The following DDR1 variants were observed in gnomAD, a reference collection of about 807,000 sequenced individuals.
DDR1 encodes the protein discoidin domain receptor tyrosine kinase 1.
A neutral mutation model predicts 97.4 loss-of-function variants in DDR1; 64 were observed. The ratio of observed to expected loss-of-function variants is 0.66; its 90% confidence interval spans 0.54 to 0.81. The LOEUF (loss-of-function observed/expected upper bound fraction) is 0.81. Ranked by LOEUF, DDR1 falls within the 30% of genes least tolerant of loss-of-function variation. DDR1 has a pLI of 0.00. For missense variants in DDR1, 990 were observed against 1,259.6 expected (o/e 0.79, Z 3.24); for synonymous variants, 458 against 503.7 (o/e 0.91, Z 1.21).
At position 30,891,855 on chromosome 6, in the gene DDR1, ATGAG is replaced by A; in HGVS notation, c.666-144_666-141del. The A allele has an allele frequency of 2.3e-6, 2 of 852,506 alleles. No individual in the cohort carries two copies. 52.8% of individuals were successfully genotyped at this position (852,506 alleles called of 1,614,324 possible). A position where few individuals can be genotyped will look rare whatever the true frequency, so the allele number is the denominator to read the frequency against. Reference sequence around the variant, plus strand: ...TGGAGAGAGGAGAAGGGCCAGCTGCATGAGTGTGAGGTGGGATGGGAATGGGACT... The same window carrying A: ...TGGAGAGAGGAGAAGGGCCAGCTGCATGTGAGGTGGGATGGGAATGGGACT... On this transcript the variant is annotated intron_variant, in intron 6 of 17. Transcript: ENST00000376568. This position sits in a 1 kb window ranked among gnomAD's most constrained non-coding sequence, Gnocchi z 5.3.
In DDR1 at chr6:30,885,291, C is replaced by G. The variant is rs552367129; in HGVS notation, c.-43+581C>G. On this transcript the variant is annotated intron_variant, in intron 1 of 17. Coordinates refer to ENST00000376568, the MANE Select transcript of DDR1 (RefSeq NM_001297654.2). ...CCTGGCTCTTGGCTGAACATTTCTT[C>G]CCAGCGCTTCCAGCAGCCAGAGGCA... is the stretch of plus-strand genomic sequence containing the variant. 3 of 1,522,844 alleles carry G rather than the reference C, an allele frequency of 2.0e-6. No homozygotes were observed. In the South Asian group the frequency reaches 3.6e-5, roughly 18 times the overall value. The allele number at this position is 1,522,844 out of a possible 1,614,324, so 94.3% of individuals were successfully genotyped here.
At chr6:30,892,650 TCACC>T (rs1412023337) in intron 8 of DDR1, 108 bp downstream of exon 8, 4 of 1,432,112 alleles carry the variant, frequency 2.8e-6, no homozygotes, top group Non-Finnish European at 3.7e-6. Flanking sequence ...TATCTACCCA[TCACC>T]CACCGAAACT....
In DDR1 at chr6:30,897,416, C is replaced by T. The variant is rs1248464806; in HGVS notation, c.2035C>T (p.Leu679Phe). The part of the protein sequence containing the change: ...FLKEVKIMSR[L>F]KDPNIIRLLG... ...GAAAGAGGTGAAGATCATGTCGAGG[C>T]TCAAGGACCCAAACATCATTCGGCT... Residue 679 changes from leucine to phenylalanine, a missense_variant, in exon 15 of 18, where the codon CTC (leucine) becomes TTC (phenylalanine). Transcript: ENST00000376568. The surrounding 1 kb of genome is among the most constrained non-coding windows in gnomAD (Gnocchi z 5.2). 1 of 1,614,128 alleles carries T rather than the reference C, an allele frequency of 6.2e-7. No homozygotes were observed. The highest frequency in any genetic ancestry group is 1.7e-5 in the Admixed American group (1 of 60,018).
chr6:30,888,682 C>T lies in DDR1; in HGVS notation c.-42-6C>T. ...ACTTACGCACCACCCATTTTATCCC[C>T]TGCAGAGATGCTGCCCCCACCCCCT... On this transcript the variant is annotated splice_region_variant and splice_polypyrimidine_tract_variant and intron_variant, in intron 1 of 17. Transcript: ENST00000376568. The surrounding 1 kb of genome is among the most constrained non-coding windows in gnomAD (Gnocchi z 4.2). 1 of 1,608,824 alleles carries T rather than the reference C, an allele frequency of 6.2e-7. No homozygotes were observed. Among genetic ancestry groups the T allele is most frequent in the Non-Finnish European group, 8.5e-7 (1 of 1,178,112 alleles).
In DDR1 at chr6:30,889,440, G is replaced by C. The variant is rs755088105; in HGVS notation, c.417+10G>C. On this transcript the variant is annotated intron_variant, in intron 4 of 17. Transcript: ENST00000376568. This position sits in a 1 kb window ranked among gnomAD's most constrained non-coding sequence, Gnocchi z 4.9. ...CCGCTGGGGTCAGGAGGTGAGACTG[G>C]CAGGGGCAGCACCCAGAGGAGGTTG... is the stretch of plus-strand genomic sequence containing the variant. 7.4e-5 allele frequency: 112 copies of C among 1,505,084 alleles called. No individual in the cohort carries two copies. The highest frequency in any genetic ancestry group is 9.8e-5 in the Non-Finnish European group (110 of 1,127,686). The allele number at this position is 1,505,084 out of a possible 1,614,324, so 93.2% of individuals were successfully genotyped here.
upstream of DDR1, chr6:30,883,289 G>A (rs1281808548): frequency 6.6e-6 from 1 of 152,064 alleles, no homozygotes; most frequent in African/African-American, 2.4e-5. This position sits in a 1 kb window ranked among gnomAD's most constrained non-coding sequence, Gnocchi z 4.9. Flanking sequence ...ATGTGCAGTG[G>A]AGCGAGAACT....
intron 1 of DDR1, chr6:30,885,883 T>A: frequency 8.1e-7 from 1 of 1,240,352 alleles, no homozygotes; most frequent in Non-Finnish European, 1.1e-6. Context: ...GACTTGGGGG[T>A]TGGGAGAGGA....
At chr6:30,885,181 C>T (rs1329927480) in intron 1 of DDR1, 4 of 1,530,644 alleles carry the variant, frequency 2.6e-6, no homozygotes, top group African/African-American at 2.7e-5. Flanking sequence ...TGACACCACT[C>T]TTCCCGGCTG....
rs9281074 is a variant in DDR1 at position 30,891,527 on chromosome 6, C to CTGTG, written c.665+75_665+78dup. On this transcript the variant is annotated intron_variant, in intron 6 of 17. Transcript: ENST00000376568. The surrounding 1 kb of genome is among the most constrained non-coding windows in gnomAD (Gnocchi z 5.3). ...ATGGAGTTTGGGGTGGGAGGGAGGA[C>CTGTG]TGTGTGTGTGTGTGTGTGTGTGTGT... 0.026 allele frequency: 20,477 copies of CTGTG among 791,856 alleles called. 218 individuals carry two copies. The highest frequency in any genetic ancestry group is 0.09 in the African/African-American group (4,478 of 50,016). 49.1% of individuals were successfully genotyped at this position (791,856 alleles called of 1,614,324 possible). A position where few individuals can be genotyped will look rare whatever the true frequency, so the allele number is the denominator to read the frequency against.
chr6:30,887,869 G>A (rs547519975), intron 1 of DDR1, among the ~76,000 whole-genome samples: 32 of 152,138 alleles, frequency 2.1e-4, no homozygotes, highest in African/African-American at 7.7e-4. Context: ...CAAAGTGCTG[G>A]GGTTACAGGC....
Position 30,892,169 on chromosome 6 carries a change from G to C in DDR1, c.833G>C (p.Arg278Thr). 2 of 1,614,174 alleles carry C rather than the reference G, an allele frequency of 1.2e-6. No individual in the cohort carries two copies. Among genetic ancestry groups the C allele is most frequent in the Non-Finnish European group, 1.7e-6 (2 of 1,180,006 alleles). Residue 278 changes from arginine (R) to threonine (T), a missense_variant, in exon 7 of 18, where the codon AGG becomes ACG. By Grantham distance (71) the Arg-to-Thr change is moderately conservative. Coordinates refer to ENST00000376568, the MANE Select transcript of DDR1 (RefSeq NM_001297654.2). ...ATGGAGTTTGAGTTTGACCGGCTGA[G>C]GGCCTTCCAGGCTATGCAGGTGAGT... is the stretch of plus-strand genomic sequence containing the variant. ...VEMEFEFDRLRAFQAMQVHCN... is the reference protein window; with the variant it reads ...VEMEFEFDRLTAFQAMQVHCN...
chr6:30,896,628 T>TGGGGTGA lies in DDR1; in HGVS notation c.1636_1637insTGAGGGG (p.Asp546ValfsTer8). On this transcript the variant is annotated frameshift_variant, in exon 13 of 18. Transcript: ENST00000376568. LOFTEE classifies it high-confidence loss of function. Reference sequence around the variant, plus strand: ...TTCCCCTCACCCCTGCAGCCTACAGTGGGGACTATATGGAGCCTGAGAAGC... The same window carrying TGGGGTGA: ...TTCCCCTCACCCCTGCAGCCTACAGTGGGGTGAGGGGACTATATGGAGCCTGAGAAGC... 1 of 1,613,388 alleles carries TGGGGTGA rather than the reference T, an allele frequency of 6.2e-7. No homozygotes were observed. Among genetic ancestry groups the TGGGGTGA allele is most frequent in the Non-Finnish European group, 8.5e-7 (1 of 1,179,720 alleles).
intron 1 of DDR1, among the ~76,000 whole-genome samples, chr6:30,887,957 A>C (rs1786502946): frequency 6.6e-6 from 1 of 152,124 alleles, no homozygotes; most frequent in Non-Finnish European, 1.5e-5. Context: ...TGGGTCGAAG[A>C]GGATGTGCAT....
chr6:30,885,066 A>C, intron 1 of DDR1: 1 of 770,864 alleles, frequency 1.3e-6, no homozygotes, highest in Non-Finnish European at 2.1e-6. Flanking sequence ...CCACCTGGCC[A>C]GTCCCTGCGG....
rs546975149 is a variant in DDR1 at position 30,885,830 on chromosome 6, C to T, written c.-43+1120C>T. 56 of 1,289,306 alleles carry T rather than the reference C, an allele frequency of 4.3e-5. No homozygotes were observed. In the East Asian group the frequency reaches 3.0e-3, roughly 69 times the overall value. 79.9% of individuals were successfully genotyped at this position (1,289,306 alleles called of 1,614,324 possible). ...CAGTTCAGTAAGTTTGTGTGTTTCA[C>T]CGTGTGTGTGTGTACAGAGCTGTGT... On this transcript the variant is annotated intron_variant, in intron 1 of 17. Transcript: ENST00000376568.
In DDR1 at chr6:30,894,796, T is replaced by TG. The variant is rs760316004; in HGVS notation, c.1513+127dup. On this transcript the variant is annotated intron_variant, in intron 11 of 17. Coordinates refer to ENST00000376568, the MANE Select transcript of DDR1 (RefSeq NM_001297654.2). The surrounding 1 kb of genome is among the most constrained non-coding windows in gnomAD (Gnocchi z 5.7). The stretch of plus-strand genomic sequence containing the variant: ...ACTTGTTTTCTTCTTTCTGTGCCCC[T>TG]GGTTACTGTCTATATCACTCTTTGT... 1.6e-4 allele frequency: 175 copies of TG among 1,097,740 alleles called. No homozygotes were observed. Among genetic ancestry groups the TG allele is most frequent in the Non-Finnish European group, 2.1e-4 (165 of 789,102 alleles). The allele number at this position is 1,097,740 out of a possible 1,614,324, so 68.0% of individuals were successfully genotyped here. A position where few individuals can be genotyped will look rare whatever the true frequency, so the allele number is the denominator to read the frequency against.
intron 12 of DDR1, among the ~76,000 whole-genome samples, chr6:30,895,869 G>A (rs1322342827): frequency 2.6e-5 from 4 of 152,034 alleles, no homozygotes; most frequent in Non-Finnish European, 2.9e-5. Flanking sequence ...CGAGGAGGAG[G>A]GCTCTCACCC....
In DDR1 at chr6:30,891,235, G is replaced by A. The variant is rs1157592744; in HGVS notation, c.565+115G>A. 3 of 1,509,356 alleles carry A rather than the reference G, an allele frequency of 2.0e-6. No individual in the cohort carries two copies. In the Admixed American group the frequency reaches 5.3e-5, roughly 27 times the overall value. The allele number at this position is 1,509,356 out of a possible 1,614,324, so 93.5% of individuals were successfully genotyped here. The stretch of plus-strand genomic sequence containing the variant: ...CCTGCTGGGAAGCTGTCACTCTGAG[G>A]AGGGGGCTAGCCAGCATTGTCTCCT... On this transcript the variant is annotated intron_variant, in intron 5 of 17. Transcript: ENST00000376568. The surrounding 1 kb of genome is among the most constrained non-coding windows in gnomAD (Gnocchi z 5.3).
intron 8 of DDR1, 95 bp from the exon 9 acceptor site, chr6:30,892,973 G>T: frequency 9.1e-7 from 1 of 1,100,908 alleles, no homozygotes; most frequent in Admixed American, 2.0e-5. Context: ...AATCACCCAT[G>T]CTTCTGCTCC....
Sources: allele counts gnomAD v4.1 joint callset (sites outside exome capture counted in the v4.1 genomes callset), GRCh38; gene constraint gnomAD v4.1.1; non-coding constraint Gnocchi (gnomAD v3.1); transcripts MANE v1.5; gene names NCBI Gene and HGNC (gene_info 2026-07-23, HGNC 2026-07-21).